KCNK17: variants seen among roughly 807,000 people sequenced by gnomAD.
KCNK17 encodes potassium channel subfamily K member 17.
In KCNK17, 27 loss-of-function variants were observed where a neutral mutation model predicts 24.6. The observed-to-expected ratio is 1.10, with a 90% CI of 0.81 to 1.51. The LOEUF is 1.51. Among genes scored for constraint, KCNK17 ranks in the 40% most tolerant of loss-of-function variants. The pLI is 0.00. For synonymous variants in KCNK17, 181 were observed against 189.8 expected (o/e 0.95, Z 0.38); for missense variants, 450 against 436.6 (o/e 1.03, Z -0.27).
intron 4 of KCNK17, chr6:39,300,556 A>G: frequency 6.5e-7 from 1 of 1,547,684 alleles, no homozygotes; most frequent in Non-Finnish European, 8.7e-7. Context: ...GAACAATGGA[A>G]CCATAAGAAT....
At chr6:39,306,202 C>T (rs1296207656) in intron 2 of KCNK17, among the ~76,000 whole-genome samples, 1 of 152,202 alleles carries the variant, frequency 6.6e-6, no homozygotes, top group Non-Finnish European at 1.5e-5. Flanking sequence ...TGCCACCACG[C>T]CCAGCTAATT....
chr6:39,299,725 G>A lies in KCNK17; in HGVS notation c.701C>T (p.Ser234Phe), dbSNP rs1761918782. ...CTTGTACCACAGTGGGTACCTCTGG[G>A]AGGGGTTCATTCCTGGGGAAGAGGC... ...FGDYVIGMNP[S>F]QRYPLWYKNM... Residue 234 changes from serine to phenylalanine, a missense_variant, in exon 5 of 5, where the codon TCC becomes TTC. Physicochemically the swap from Ser to Phe is radical, Grantham distance 155. Transcript: ENST00000373231. 1.2e-6 allele frequency: 2 copies of A among 1,613,446 alleles called. No individual in the cohort carries two copies. Among genetic ancestry groups the A allele is most frequent in the Non-Finnish European group, 1.7e-6 (2 of 1,179,556 alleles).
chr6:39,311,120 A>T (rs939643600), intron 1 of KCNK17, 113 bp from the exon 2 acceptor site: 2 of 558,458 alleles, frequency 3.6e-6, no homozygotes, highest in African/African-American at 4.9e-5. Flanking sequence ...ACACACACAC[A>T]AACAAACCTA....
At chr6:39,312,770 T>C (rs1031377046) in intron 1 of KCNK17, among the ~76,000 whole-genome samples, 17 of 152,308 alleles carry the variant, frequency 1.1e-4, no homozygotes, top group African/African-American at 3.8e-4. Flanking sequence ...GTAGTCGAAG[T>C]TCACCACCTT....
chr6:39,301,931 A>C (rs1334452784), intron 4 of KCNK17, among the ~76,000 whole-genome samples: 3 of 152,210 alleles, frequency 2.0e-5, no homozygotes, highest in Non-Finnish European at 4.4e-5. Context: ...GGTTTGAGGA[A>C]TAGGCATGGA....
At position 39,299,244 on chromosome 6, in the gene KCNK17, A is replaced by C; in HGVS notation, c.*183T>G. On this transcript the variant is annotated 3_prime_UTR_variant, in exon 5 of 5. Transcript: ENST00000373231. Reference sequence around the variant, plus strand: ...GAAGGGCATGCTGCCCCGACACCCGAAAGTCACATCCCATGTCACCCAGGA... The same window carrying C: ...GAAGGGCATGCTGCCCCGACACCCGCAAGTCACATCCCATGTCACCCAGGA... 1 of 587,752 alleles carries C rather than the reference A, an allele frequency of 1.7e-6. No individual in the cohort carries two copies. Among genetic ancestry groups the C allele is most frequent in the Non-Finnish European group, 3.0e-6 (1 of 335,186 alleles). 36.4% of individuals were successfully genotyped at this position (587,752 alleles called of 1,614,324 possible).
intron 4 of KCNK17, among the ~76,000 whole-genome samples, chr6:39,303,338 C>A (rs199870828): frequency 1.3e-5 from 2 of 152,158 alleles, no homozygotes; most frequent in African/African-American, 4.8e-5. Context: ...CACTCCGCCA[C>A]GGCACAGAAT....
intron 2 of KCNK17, among the ~76,000 whole-genome samples, chr6:39,307,291 C>G (rs1307192468): frequency 6.6e-6 from 1 of 152,196 alleles, no homozygotes; most frequent in African/African-American, 2.4e-5. Flanking sequence ...AATGATAGAA[C>G]TCCAGTGAAC....
chr6:39,301,252 T>C (rs1399676910), intron 4 of KCNK17, among the ~76,000 whole-genome samples: 2 of 152,186 alleles, frequency 1.3e-5, no homozygotes, highest in East Asian at 1.9e-4. Flanking sequence ...CCTCATCAGA[T>C]TGGAATCATT....
At chr6:39,301,670 C>T (rs1761953038) in intron 4 of KCNK17, among the ~76,000 whole-genome samples, 1 of 152,234 alleles carries the variant, frequency 6.6e-6, no homozygotes, top group African/African-American at 2.4e-5. Flanking sequence ...GACCTGGCAG[C>T]TGGCAAGGCG....
chr6:39,300,609 T>C (rs1207436398), intron 4 of KCNK17: 1 of 1,366,988 alleles, frequency 7.3e-7, no homozygotes, highest in African/African-American at 1.5e-5. Context: ...CTGAACCTCC[T>C]TCACCTGTGA....
intron 2 of KCNK17, 28 bp downstream of exon 2, chr6:39,310,865 C>T: frequency 7.9e-7 from 1 of 1,258,932 alleles, no homozygotes; most frequent in Non-Finnish European, 1.1e-6. Context: ...CCCCCACCCC[C>T]ATCCCCCTGG....
chr6:39,306,766 G>GTTT lies in KCNK17; in HGVS notation c.353-2114_353-2112dup, dbSNP rs34588404. On this transcript the variant is annotated intron_variant, in intron 2 of 4. Coordinates refer to ENST00000373231, the MANE Select transcript of KCNK17 (RefSeq NM_031460.4). The stretch of plus-strand genomic sequence containing the variant: ...CAAGTGGCTCGATCTTTCTTTCTTT[G>GTTT]TTTTTTTTTTTTTTTTTGTGACAGA... 2.6e-3 allele frequency among the ~76,000 whole-genome samples: 340 copies of GTTT among 130,506 alleles called. 5 individuals are homozygous for GTTT. Among genetic ancestry groups the GTTT allele is most frequent in the Admixed American group, 0.017 (219 of 12,860 alleles). The allele number at this position is 130,506 out of a possible 152,430, so 85.6% of individuals were successfully genotyped here.
At chr6:39,300,470 C>G (rs1761933950) in intron 4 of KCNK17, 2 of 1,550,056 alleles carry the variant, frequency 1.3e-6, no homozygotes, top group Non-Finnish European at 1.7e-6. Flanking sequence ...GATGTCCGCT[C>G]TAGTGTTTGC....
At chr6:39,303,914 G>T in intron 4 of KCNK17, 43 bp downstream of exon 4, 1 of 1,596,500 alleles carries the variant, frequency 6.3e-7, no homozygotes, top group Non-Finnish European at 8.5e-7. Context: ...AGAGGTATAG[G>T]CAGCCGAATG....
At chr6:39,305,387 C>G (rs1052035986) in intron 2 of KCNK17, among the ~76,000 whole-genome samples, 1 of 152,174 alleles carries the variant, frequency 6.6e-6, no homozygotes, top group African/African-American at 2.4e-5. Flanking sequence ...GTCTTGATAT[C>G]TGATTCCTGG....
chr6:39,303,969 C>G lies in KCNK17; in HGVS notation c.676G>C (p.Asp226His). ...CAGGAACTCTCACCAATCACGTAGT[C>G]GCCGAAGCCCACGGTGCTGAGGGTG... Reference protein sequence around the residue: ...FITLSTVGFGDYVIGMNPSQR... With the variant: ...FITLSTVGFGHYVIGMNPSQR... The change falls in exon 4 of 5, where the codon GAC (aspartate) becomes CAC (histidine). Residue 226 changes from aspartate (D) to histidine (H), a missense_variant. By Grantham distance (81) the Asp-to-His change is moderately conservative. Coordinates refer to ENST00000373231, the MANE Select transcript of KCNK17 (RefSeq NM_031460.4). 1 of 1,612,620 alleles carries G rather than the reference C, an allele frequency of 6.2e-7. No individual in the cohort carries two copies. Among genetic ancestry groups the G allele is most frequent in the Non-Finnish European group, 8.5e-7 (1 of 1,179,862 alleles).
chr6:39,307,263 ATGTT>A (rs1477200951), intron 2 of KCNK17, among the ~76,000 whole-genome samples: 1 of 152,160 alleles, frequency 6.6e-6, no homozygotes, highest in African/African-American at 2.4e-5. Context: ...AAGGTGCTAA[ATGTT>A]TGTTGAATAA....
intron 2 of KCNK17, among the ~76,000 whole-genome samples, chr6:39,306,719 T>C (rs555109910): frequency 4.4e-4 from 66 of 148,886 alleles, no homozygotes; most frequent in African/African-American, 1.7e-3. Context: ...GCTCAGCTCC[T>C]TGCAGGCTGT....
Sources: gnomAD v4.1 joint callset for allele counts (sites outside exome capture counted in the v4.1 genomes callset) on GRCh38, gnomAD v4.1.1 for gene constraint, MANE v1.5 for transcripts, NCBI Gene and HGNC (gene_info 2026-07-23, HGNC 2026-07-21) for gene names.